The following IQCM variants were observed in gnomAD, a reference collection of about 807,000 sequenced individuals.
The protein encoded by IQCM is IQ domain-containing protein M.
Under a neutral mutation model 57.6 loss-of-function variants are expected in IQCM, and 45 were observed. That is an observed-to-expected ratio of 0.78 (90% confidence interval 0.62 to 1.00). The LOEUF is 1.00. Ranked by LOEUF, IQCM falls within the 50% of genes least tolerant of loss-of-function variation. The pLI is 0.00. For synonymous variants in IQCM, 148 were observed against 158.9 expected (o/e 0.93, Z 0.51); for missense variants, 468 against 511.6 (o/e 0.91, Z 0.82).
intron 5 of IQCM, among the ~76,000 whole-genome samples, chr4:149,726,818 T>C (rs1426669052): frequency 1.1e-4 from 16 of 152,104 alleles, no homozygotes; most frequent in Admixed American, 1.0e-3. Context: ...TCTTTTTTTT[T>C]CCTCTGTCTC....
chr4:149,504,240 T>A (rs1247133793), intron 12 of IQCM, among the ~76,000 whole-genome samples: 1 of 152,096 alleles, frequency 6.6e-6, no homozygotes, highest in Non-Finnish European at 1.5e-5. Context: ...CAGTATAAAT[T>A]TAAAAAAACT....
rs775627114 is a variant in IQCM, at chr4:149,799,373, G to A, written c.-49+15938C>T. On this transcript the variant is annotated intron_variant, in intron 2 of 13. Transcript: ENST00000636793. ...CTAAAAGGAAAGTTTATAGCTATAT[G>A]TGCCTGCATCAAAAAGAAGAAAAAC... Among the ~76,000 whole-genome samples, 10 of 151,592 alleles carry A rather than the reference G, an allele frequency of 6.6e-5. 1 individual carries two copies. Among genetic ancestry groups the A allele is most frequent in the Non-Finnish European group, 1.0e-4 (7 of 67,730 alleles).
chr4:149,775,433 T>A (rs1771002983), intron 2 of IQCM, among the ~76,000 whole-genome samples: 1 of 151,920 alleles, frequency 6.6e-6, no homozygotes, highest in Non-Finnish European at 1.5e-5. Context: ...AGACAAAAAA[T>A]AAAAATAAAA....
At chr4:149,793,300 T>C (rs1309120113) in intron 2 of IQCM, among the ~76,000 whole-genome samples, 1 of 152,156 alleles carries the variant, frequency 6.6e-6, no homozygotes. Flanking sequence ...ATTCCTTCCA[T>C]GCCAAAGGAG....
chr4:149,620,756 A>G (rs1756260060), intron 8 of IQCM, among the ~76,000 whole-genome samples: 1 of 152,166 alleles, frequency 6.6e-6, no homozygotes, highest in Non-Finnish European at 1.5e-5. Flanking sequence ...TTCCATTATC[A>G]TGCCTTTAAC....
chr4:149,579,736 G>A (rs548022480), intron 9 of IQCM, among the ~76,000 whole-genome samples: 1 of 151,964 alleles, frequency 6.6e-6, no homozygotes, highest in African/African-American at 2.4e-5. Context: ...GAAGACTTAA[G>A]ATGCAGCTAA....
intron 2 of IQCM, among the ~76,000 whole-genome samples, chr4:149,756,173 T>C (rs764735908): frequency 1.4e-4 from 21 of 152,188 alleles, no homozygotes; most frequent in Non-Finnish European, 2.5e-4. Flanking sequence ...ATGCCAGGAA[T>C]TTTTACTGCT....
At chr4:149,483,195 G>A (rs908131562) in intron 12 of IQCM, among the ~76,000 whole-genome samples, 1 of 151,426 alleles carries the variant, frequency 6.6e-6, no homozygotes, top group Non-Finnish European at 1.5e-5. Context: ...AGGGTTTGTT[G>A]ATTTTCTTTA....
chr4:149,407,175 T>G (rs1733042574), intron 13 of IQCM, among the ~76,000 whole-genome samples: 1 of 151,990 alleles, frequency 6.6e-6, no homozygotes, highest in African/African-American at 2.4e-5. Context: ...CCCCCCCAGG[T>G]CCCTCCCACA....
intron 5 of IQCM, chr4:149,711,269 T>C (rs1764541605): frequency 6.6e-6 from 1 of 152,146 alleles, no homozygotes; most frequent in African/African-American, 2.4e-5. Context: ...CCCAAGGCAC[T>C]TGAGAGACCC....
At chr4:149,657,459 G>A (rs902332029) in intron 7 of IQCM, among the ~76,000 whole-genome samples, 1 of 152,096 alleles carries the variant, frequency 6.6e-6, no homozygotes, top group African/African-American at 2.4e-5. Flanking sequence ...ATTGTGAACA[G>A]TGCTGCAAAA....
intron 8 of IQCM, among the ~76,000 whole-genome samples, chr4:149,612,106 G>C (rs1755350229): frequency 6.6e-6 from 1 of 151,810 alleles, no homozygotes; most frequent in South Asian, 2.1e-4. Flanking sequence ...GAGAGAGAGA[G>C]AGAGCAAAGG....
intron 12 of IQCM, among the ~76,000 whole-genome samples, chr4:149,457,249 A>G (rs895757698): frequency 7.2e-5 from 11 of 152,108 alleles, no homozygotes; most frequent in Non-Finnish European, 1.6e-4. Flanking sequence ...AGCACTATCT[A>G]AAAAAGGAGT....
chr4:149,571,345 A>G (rs533880696), intron 9 of IQCM, among the ~76,000 whole-genome samples: 9 of 152,148 alleles, frequency 5.9e-5, no homozygotes, highest in Non-Finnish European at 8.8e-5. Flanking sequence ...TTGTGACAAC[A>G]TGGATATACC....
chr4:149,419,140 T>G (rs1733952740), intron 13 of IQCM, among the ~76,000 whole-genome samples: 1 of 152,044 alleles, frequency 6.6e-6, no homozygotes, highest in South Asian at 2.1e-4. Flanking sequence ...GAAGAAACTA[T>G]TTTAAAATTC....
At chr4:149,698,022 A>G (rs1311913416) in intron 5 of IQCM, among the ~76,000 whole-genome samples, 2 of 152,146 alleles carry the variant, frequency 1.3e-5, no homozygotes, top group Non-Finnish European at 2.9e-5. Context: ...AGGTACAGAT[A>G]TAATGAATTT....
intron 8 of IQCM, among the ~76,000 whole-genome samples, chr4:149,616,824 G>A (rs1755833417): frequency 6.6e-6 from 1 of 152,022 alleles, no homozygotes; most frequent in Admixed American, 6.6e-5. Context: ...GATAGGTGCA[G>A]CAAACCACCA....
chr4:149,675,012 A>G (rs890463534), intron 7 of IQCM, among the ~76,000 whole-genome samples: 3 of 152,200 alleles, frequency 2.0e-5, no homozygotes, highest in Middle Eastern at 3.4e-3. Flanking sequence ...AAGTATTACA[A>G]AGATTGTTGT....
At chr4:149,442,827 C>T (rs908863374) in intron 12 of IQCM, among the ~76,000 whole-genome samples, 6 of 151,722 alleles carry the variant, frequency 4.0e-5, no homozygotes, top group South Asian at 2.1e-4. Flanking sequence ...TCCTCAATAT[C>T]GTAGCCTCCA....
Sources: allele counts gnomAD v4.1 joint callset (sites outside exome capture counted in the v4.1 genomes callset), GRCh38; gene constraint gnomAD v4.1.1; transcripts MANE v1.5; gene names NCBI Gene and HGNC (gene_info 2026-07-23, HGNC 2026-07-21).